Variants in SLC38A8 observed in about 807,000 individuals in gnomAD.
SLC38A8 encodes solute carrier family 38 member 8.
Under a neutral mutation model 46.0 loss-of-function variants are expected in SLC38A8, and 65 were observed. The observed-to-expected ratio is 1.41, with a 90% confidence interval of 1.16 to 1.74. The LOEUF (loss-of-function observed/expected upper bound fraction) is 1.74, where lower values mean the gene tolerates loss of function less well. SLC38A8 is among the 40% of genes most tolerant of loss of function. The probability of loss-of-function intolerance (pLI) is 0.00; values close to 1 mark genes in which losing one functional copy is unlikely to be tolerated. For missense variants in SLC38A8, 998 were observed against 567.9 expected (o/e 1.76, Z -7.70); for synonymous variants, 447 against 243.7 (o/e 1.83, Z -7.77).
At chr16:84,034,993 C>G (rs1042898621) in intron 3 of SLC38A8, among the ~76,000 whole-genome samples, 1 of 152,148 alleles carries the variant, frequency 6.6e-6, no homozygotes, top group Non-Finnish European at 1.5e-5. Context: ...CTCTATCTAG[C>G]ACTCCGTCTC....
At chr16:84,040,424 A>C (rs1597282596) in intron 2 of SLC38A8, among the ~76,000 whole-genome samples, 1 of 152,342 alleles carries the variant, frequency 6.6e-6, no homozygotes, top group East Asian at 1.9e-4. Flanking sequence ...ATGTGGTCTC[A>C]GGCCCACCCA....
chr16:84,012,662 C>G (rs1198177530), intron 10 of SLC38A8, among the ~76,000 whole-genome samples: 1 of 152,202 alleles, frequency 6.6e-6, no homozygotes, highest in Admixed American at 6.5e-5. Context: ...TCTAACCCAG[C>G]CTGCACCCTG....
chr16:84,029,996 C>A (rs1285326227), intron 5 of SLC38A8, among the ~76,000 whole-genome samples: 3 of 152,210 alleles, frequency 2.0e-5, no homozygotes, highest in African/African-American at 4.8e-5. Flanking sequence ...CAGGTCCAGC[C>A]TCTTGGGATC....
chr16:84,017,576 G>C (rs553032638), intron 7 of SLC38A8, among the ~76,000 whole-genome samples: 159 of 152,292 alleles, frequency 1.0e-3, no homozygotes, highest in African/African-American at 3.7e-3. Context: ...TAGAAGCACA[G>C]AGCACTTTGA....
intron 5 of SLC38A8, among the ~76,000 whole-genome samples, chr16:84,030,190 A>T (rs940561076): frequency 6.6e-6 from 1 of 152,164 alleles, no homozygotes; most frequent in African/African-American, 2.4e-5. Context: ...TCTATCAGCC[A>T]AGGAACACAG....
At chr16:84,029,382 G>A (rs548919223) in intron 6 of SLC38A8, 112 bp downstream of exon 6, 16 of 1,100,704 alleles carry the variant, frequency 1.5e-5, no homozygotes, top group South Asian at 1.3e-4. Flanking sequence ...TGTATCCTAG[G>A]AGAAGTCCTC....
chr16:84,034,887 C>A (rs980772360), intron 3 of SLC38A8, among the ~76,000 whole-genome samples: 1 of 152,106 alleles, frequency 6.6e-6, no homozygotes, highest in African/African-American at 2.4e-5. Context: ...TGTACCAGCT[C>A]CTTCCTAAAC....
intron 3 of SLC38A8, among the ~76,000 whole-genome samples, chr16:84,036,434 C>T (rs2085299833): frequency 6.6e-6 from 1 of 152,258 alleles, no homozygotes; most frequent in African/African-American, 2.4e-5. Context: ...TCCATTTACT[C>T]ATCTGTGAAA....
chr16:84,013,152 G>T (rs74032385), intron 9 of SLC38A8, 100 bp from the exon 10 acceptor site: 168 of 1,399,932 alleles, frequency 1.2e-4, no homozygotes, highest in Non-Finnish European at 1.5e-4. Flanking sequence ...GGCCAGCAAG[G>T]CCTCCGCCCA....
At chr16:84,025,481 C>T (rs1406687708) in intron 6 of SLC38A8, among the ~76,000 whole-genome samples, 3 of 151,984 alleles carry the variant, frequency 2.0e-5, no homozygotes, top group African/African-American at 4.8e-5. Flanking sequence ...GCGGGCTTTT[C>T]GGTTTGTCTA....
chr16:84,038,011 T>C (rs923002318), intron 2 of SLC38A8, among the ~76,000 whole-genome samples: 1 of 151,938 alleles, frequency 6.6e-6, no homozygotes, highest in East Asian at 1.9e-4. Context: ...TTCCAAAATG[T>C]ATTATAAAAA....
In SLC38A8 at chr16:84,026,269, G is replaced by A. The variant is rs184355336; in HGVS notation, c.690+3225C>T. Among the ~76,000 whole-genome samples, 188 of 152,232 alleles carry A rather than the reference G, an allele frequency of 1.2e-3. 1 individual carries two copies. The highest frequency in any genetic ancestry group is 3.9e-3 in the African/African-American group (163 of 41,516). ...TTTTGAGACAGAGTCTCGCTCCATC[G>A]CCCAGGCTGGAGTACAGTTGCATGA... On this transcript the variant is annotated intron_variant, in intron 6 of 10. Transcript: ENST00000299709.
intron 3 of SLC38A8, among the ~76,000 whole-genome samples, chr16:84,035,640 T>C (rs1313950385): frequency 6.6e-6 from 1 of 152,238 alleles, no homozygotes; most frequent in East Asian, 1.9e-4. Flanking sequence ...AGTTAGATTC[T>C]AAGTCAAAGA....
In SLC38A8 at chr16:84,042,691, A is replaced by C. The variant is rs2085381424; in HGVS notation, c.-143T>G. 6.5e-6 allele frequency: 1 copy of C among 153,856 alleles called. No individual in the cohort carries two copies. The highest frequency in any genetic ancestry group is 1.4e-5 in the Non-Finnish European group (1 of 69,138). 9.5% of individuals were successfully genotyped at this position (153,856 alleles called of 1,614,324 possible). On this transcript the variant is annotated 5_prime_UTR_variant, in exon 1 of 11. Transcript: ENST00000299709. Reference sequence around the variant, plus strand: ...ATTCGAGCTTGGCCAGGGGTGAGTGAGTCATTAACTAAAGGAGCCCTAGCG... The same window carrying C: ...ATTCGAGCTTGGCCAGGGGTGAGTGCGTCATTAACTAAAGGAGCCCTAGCG...
At chr16:84,022,411 AACCCT>A (rs1385792853) in intron 7 of SLC38A8, among the ~76,000 whole-genome samples, 1 of 152,180 alleles carries the variant, frequency 6.6e-6, no homozygotes, top group Non-Finnish European at 1.5e-5. Context: ...ACGTTTTGTA[AACCCT>A]ACCCAGATGT....
chr16:84,033,602 G>T (rs748417181), intron 3 of SLC38A8, 133 bp from the exon 4 acceptor site: 2 of 1,010,816 alleles, frequency 2.0e-6, no homozygotes, highest in Non-Finnish European at 2.8e-6. Context: ...GGGATCAGAC[G>T]ACAAGTGAGA....
intron 10 of SLC38A8, among the ~76,000 whole-genome samples, chr16:84,011,470 T>C (rs1386683861): frequency 2.0e-5 from 3 of 152,058 alleles, no homozygotes; most frequent in African/African-American, 7.2e-5. Flanking sequence ...AAAACCAAGC[T>C]TGGGCTCAAT....
At chr16:84,012,840 T>A (rs756247928) in intron 10 of SLC38A8, among the ~76,000 whole-genome samples, 161 bp downstream of exon 10, 1 of 152,194 alleles carries the variant, frequency 6.6e-6, no homozygotes, top group Non-Finnish European at 1.5e-5. Context: ...CTGGCTCAGA[T>A]GCCCTCATAC....
In SLC38A8 at chr16:84,031,695, A is replaced by C. The variant is rs550155199; in HGVS notation, c.632+172T>G. 1.8e-4 allele frequency among the ~76,000 whole-genome samples: 26 copies of C among 145,716 alleles called. No individual in the cohort carries two copies. The South Asian group carries it at 2.0e-3, about 11-fold the overall frequency. On this transcript the variant is annotated intron_variant, in intron 5 of 10. Transcript: ENST00000299709. ...AGCCACGGCCAGGTCCCTGCAGCAG[A>C]AGGAGAGTGGCCCTCCCTTGCCTTC... is the stretch of plus-strand genomic sequence containing the variant.
Sources: allele counts gnomAD v4.1 joint callset (sites outside exome capture counted in the v4.1 genomes callset), GRCh38; gene constraint gnomAD v4.1.1; transcripts MANE v1.5; gene names NCBI Gene and HGNC (gene_info 2026-07-23, HGNC 2026-07-21).